LHPP: variants seen among roughly 807,000 people sequenced by gnomAD.
LHPP encodes the protein hLHPP.
A neutral mutation model predicts 30.3 loss-of-function variants in LHPP; 24 were observed. That is an observed-to-expected ratio of 0.79 (90% CI 0.57 to 1.11). LHPP has a LOEUF of 1.11. LHPP is among the 50% of genes most tolerant of loss of function. LHPP has a pLI of 0.00. For synonymous variants in LHPP, 150 were observed against 157.1 expected (o/e 0.95, Z 0.34); for missense variants, 356 against 367.2 (o/e 0.97, Z 0.25).
intron 6 of LHPP, among the ~76,000 whole-genome samples, chr10:124,589,769 C>T (rs1253768372): frequency 6.6e-6 from 1 of 152,210 alleles, no homozygotes; most frequent in Non-Finnish European, 1.5e-5. Flanking sequence ...GGGGTGAGGT[C>T]GGCTCTCGTT....
At chr10:124,574,696 G>T (rs55762237) in intron 6 of LHPP, among the ~76,000 whole-genome samples, 7 of 152,184 alleles carry the variant, frequency 4.6e-5, no homozygotes, top group East Asian at 1.9e-4. Context: ...AGGGCCAGAG[G>T]GGGGATTTGT....
intron 6 of LHPP, among the ~76,000 whole-genome samples, chr10:124,522,977 G>A (rs1954645792): frequency 6.6e-6 from 1 of 152,166 alleles, no homozygotes; most frequent in African/African-American, 2.4e-5. Flanking sequence ...CTGTGGACAT[G>A]CCAGAAACCA....
intron 6 of LHPP, among the ~76,000 whole-genome samples, chr10:124,526,419 G>A (rs1368368241): frequency 6.6e-6 from 1 of 152,138 alleles, no homozygotes; most frequent in African/African-American, 2.4e-5. Context: ...CTTGCCCAAG[G>A]CCACACAGCC....
chr10:124,531,125 T>C (rs11245267), intron 6 of LHPP, among the ~76,000 whole-genome samples: 97,021 of 152,076 alleles, frequency 0.64, 31,184 homozygotes, highest in South Asian at 0.78. Context: ...ACCTCTTCTT[T>C]GGCCTGCCTG....
intron 6 of LHPP, among the ~76,000 whole-genome samples, chr10:124,548,429 A>G (rs1955404746): frequency 6.6e-6 from 1 of 151,904 alleles, no homozygotes; most frequent in African/African-American, 2.4e-5. Context: ...CAAGTTCCCA[A>G]TTTTGCTCTA....
At chr10:124,591,525 A>C (rs913678699) in intron 6 of LHPP, among the ~76,000 whole-genome samples, 12 of 152,132 alleles carry the variant, frequency 7.9e-5, no homozygotes, top group African/African-American at 2.9e-4. Flanking sequence ...GGACAAAGTC[A>C]TTGTGGACAC....
At chr10:124,489,920 G>T in intron 3 of LHPP, 1 of 189,298 alleles carries the variant, frequency 5.3e-6, no homozygotes, top group South Asian at 7.8e-5. Context: ...ACTGGCACCA[G>T]GGGGACAGCA....
At chr10:124,500,311 A>G (rs1203646168) in intron 5 of LHPP, among the ~76,000 whole-genome samples, 1 of 151,790 alleles carries the variant, frequency 6.6e-6, no homozygotes, top group Non-Finnish European at 1.5e-5. Context: ...CGTCTCTACT[A>G]AAATATAAAA....
chr10:124,470,681 C>CAAGAATAAT (rs1554877242), intron 1 of LHPP, among the ~76,000 whole-genome samples: 1 of 150,776 alleles, frequency 6.6e-6, no homozygotes, highest in East Asian at 1.9e-4. Flanking sequence ...ACAACAACAA[C>CAAGAATAAT]AATAATAATA....
chr10:124,534,220 G>A (rs1426573791), intron 6 of LHPP, among the ~76,000 whole-genome samples: 1 of 152,272 alleles, frequency 6.6e-6, no homozygotes, highest in African/African-American at 2.4e-5. Context: ...CATAGGCTTG[G>A]CGGCCCATGC....
chr10:124,598,945 A>G (rs919280587), intron 6 of LHPP, among the ~76,000 whole-genome samples: 1 of 148,340 alleles, frequency 6.7e-6, no homozygotes. Context: ...ATCCCCGTCC[A>G]TCCATCTCCA....
intron 6 of LHPP, among the ~76,000 whole-genome samples, chr10:124,580,264 TATAATC>T (rs1948726567): frequency 1.3e-5 from 2 of 152,250 alleles, no homozygotes; most frequent in African/African-American, 4.8e-5. Flanking sequence ...TAAATTAAAA[TATAATC>T]AGATGTATTA....
At chr10:124,546,792 A>G (rs1361057749) in intron 6 of LHPP, among the ~76,000 whole-genome samples, 2 of 152,084 alleles carry the variant, frequency 1.3e-5, no homozygotes, top group East Asian at 1.9e-4. Flanking sequence ...CCACCTCACC[A>G]TGCATGCTTC....
intron 6 of LHPP, among the ~76,000 whole-genome samples, chr10:124,522,289 C>T (rs552462438): frequency 6.6e-6 from 1 of 152,320 alleles, no homozygotes; most frequent in African/African-American, 2.4e-5. Flanking sequence ...CCTGCCTGCC[C>T]TGTTCCCAGG....
intron 1 of LHPP, among the ~76,000 whole-genome samples, chr10:124,471,456 T>A (rs1250938530): frequency 3.2e-4 from 1 of 3,088 alleles, no homozygotes; most frequent in South Asian, 3.9e-3. Flanking sequence ...TTTATATATT[T>A]ATATATATTT....
At position 124,496,842 on chromosome 10, in the gene LHPP, C is replaced by A; in HGVS notation, c.468-119C>A. On this transcript the variant is annotated intron_variant, in intron 3 of 6. Coordinates refer to ENST00000368842, the MANE Select transcript of LHPP (RefSeq NM_022126.4). This position sits in a 1 kb window ranked among gnomAD's most constrained non-coding sequence, Gnocchi z 4.3. ...TCAGCGTAGCGCCTGGACTGCCCCT[C>A]AGCCGCGGCTTGGCTCTGCAGCCAG... 1 of 861,030 alleles carries A rather than the reference C, an allele frequency of 1.2e-6. No individual in the cohort carries two copies. The highest frequency in any genetic ancestry group is 1.9e-6 in the Non-Finnish European group (1 of 538,976). The allele number at this position is 861,030 out of a possible 1,614,324, so 53.3% of individuals were successfully genotyped here.
rs1184518336 is a variant in LHPP, at chr10:124,510,496, C to G, written c.625-6684C>G. 6.6e-6 allele frequency among the ~76,000 whole-genome samples: 1 copy of G among 152,212 alleles called. No homozygotes were observed. The highest frequency in any genetic ancestry group is 1.5e-5 in the Non-Finnish European group (1 of 68,032). Reference sequence around the variant, plus strand: ...CGCTTTATCCCGCAGAACCTCCACGCTGTTCCTGCATGAGAACTCTTCCTC... The same window carrying G: ...CGCTTTATCCCGCAGAACCTCCACGGTGTTCCTGCATGAGAACTCTTCCTC... On this transcript the variant is annotated intron_variant, in intron 5 of 6. Transcript: ENST00000368842. This position sits in a 1 kb window ranked among gnomAD's most constrained non-coding sequence, Gnocchi z 4.0.
At chr10:124,547,427 A>G (rs1479517759) in intron 6 of LHPP, among the ~76,000 whole-genome samples, 1 of 152,256 alleles carries the variant, frequency 6.6e-6, no homozygotes, top group Non-Finnish European at 1.5e-5. Flanking sequence ...AGGAAAGGAA[A>G]GTTCTAGAAG....
intron 6 of LHPP, among the ~76,000 whole-genome samples, chr10:124,587,149 A>G (rs12358536): frequency 0.14 from 21,438 of 150,528 alleles, 1,864 homozygotes; most frequent in African/African-American, 0.23. Context: ...CTCCTGCCTC[A>G]GCCTCCCGAG....
Sources: allele counts gnomAD v4.1 joint callset (sites outside exome capture counted in the v4.1 genomes callset), GRCh38; gene constraint gnomAD v4.1.1; non-coding constraint Gnocchi (gnomAD v3.1); transcripts MANE v1.5; gene names NCBI Gene and HGNC (gene_info 2026-07-23, HGNC 2026-07-21).